The following TMEM132D variants were observed in gnomAD, a reference collection of about 807,000 sequenced individuals.
TMEM132D encodes the protein mature OL transmembrane protein.
Under a neutral mutation model 62.3 loss-of-function variants are expected in TMEM132D, and 21 were observed. The ratio of observed to expected loss-of-function variants is 0.34; its 90% CI spans 0.24 to 0.49. The LOEUF is 0.49. TMEM132D is among the 20% of genes least tolerant of loss of function. The probability of loss-of-function intolerance (pLI) is 0.99; values close to 1 mark genes in which losing one functional copy is unlikely to be tolerated. For missense variants in TMEM132D, 1,346 were observed against 1,402.8 expected (o/e 0.96, Z 0.65); for synonymous variants, 621 against 575.6 (o/e 1.08, Z -1.13).
At chr12:129,256,853 G>A (rs112821940) in intron 4 of TMEM132D, among the ~76,000 whole-genome samples, 1,555 of 152,260 alleles carry the variant, frequency 0.01, 21 homozygotes, top group African/African-American at 0.032. Context: ...GAGCCACCAC[G>A]CCCGGCCTGT....
At chr12:129,734,403 G>A (rs1869352729) in intron 1 of TMEM132D, among the ~76,000 whole-genome samples, 1 of 152,152 alleles carries the variant, frequency 6.6e-6, no homozygotes, top group South Asian at 2.1e-4. Flanking sequence ...CCTCAGTGAA[G>A]TACTTTTTTT....
chr12:129,545,469 A>G (rs1876707066), intron 2 of TMEM132D, among the ~76,000 whole-genome samples: 1 of 152,180 alleles, frequency 6.6e-6, no homozygotes, highest in African/African-American at 2.4e-5. Flanking sequence ...TGTGGTAAGA[A>G]CAGTTAACAT....
chr12:129,450,901 GC>G (rs1490786395), intron 3 of TMEM132D, among the ~76,000 whole-genome samples: 1 of 6,436 alleles, frequency 1.6e-4, no homozygotes, highest in Non-Finnish European at 5.6e-4. Context: ...GATTACAGGT[GC>G]CTGCCACCAC....
At chr12:129,852,156 G>A (rs1873564162) in intron 1 of TMEM132D, 1 of 152,164 alleles carries the variant, frequency 6.6e-6, no homozygotes, top group Non-Finnish European at 1.5e-5. Flanking sequence ...CCTAATACCT[G>A]TTACTTCTAG....
intron 3 of TMEM132D, among the ~76,000 whole-genome samples, chr12:129,405,257 T>C (rs773102300): frequency 6.6e-6 from 1 of 151,850 alleles, no homozygotes; most frequent in Non-Finnish European, 1.5e-5. Context: ...TCTCGTGTGC[T>C]TTCACAGGGG....
intron 1 of TMEM132D, among the ~76,000 whole-genome samples, chr12:129,782,305 A>T (rs929033067): frequency 7.0e-4 from 107 of 152,204 alleles, no homozygotes; most frequent in African/African-American, 2.5e-3. Flanking sequence ...TCGGATCGGG[A>T]GATGTTCAAC....
intron 5 of TMEM132D, among the ~76,000 whole-genome samples, chr12:129,200,301 C>T (rs926644259): frequency 6.6e-6 from 1 of 152,168 alleles, no homozygotes; most frequent in African/African-American, 2.4e-5. Context: ...TAATCCATTA[C>T]CCCTGCCGAA....
chr12:129,586,528 G>A (rs1167999174), intron 2 of TMEM132D, among the ~76,000 whole-genome samples: 1 of 152,114 alleles, frequency 6.6e-6, no homozygotes, highest in Non-Finnish European at 1.5e-5. Flanking sequence ...GCGTGGTCGG[G>A]TTCTAGGAGA....
rs567789098 is a variant in TMEM132D at position 129,523,565 on chromosome 12, G to A, written c.1115+7494C>T. Reference sequence around the variant, plus strand: ...GCTCCGGCTAGCAAAGACGCGTGGCGGTAACTCAGTGCCGTTACCCACGAA... The same window carrying A: ...GCTCCGGCTAGCAAAGACGCGTGGCAGTAACTCAGTGCCGTTACCCACGAA... On this transcript the variant is annotated intron_variant, in intron 3 of 8. Coordinates refer to ENST00000422113, the MANE Select transcript of TMEM132D (RefSeq NM_133448.3). Among the ~76,000 whole-genome samples, 9 of 152,204 alleles carry A rather than the reference G, an allele frequency of 5.9e-5. No homozygotes were observed. The South Asian group carries it at 1.0e-3, about 18-fold the overall frequency.
chr12:129,612,682 T>C (rs1460576657), intron 2 of TMEM132D, among the ~76,000 whole-genome samples: 2 of 151,268 alleles, frequency 1.3e-5, no homozygotes, highest in African/African-American at 4.8e-5. Context: ...ATCAGTCCCA[T>C]ACTGCTCCCC....
chr12:129,541,114 C>T (rs143094734), intron 2 of TMEM132D, among the ~76,000 whole-genome samples: 2 of 152,310 alleles, frequency 1.3e-5, no homozygotes, highest in East Asian at 3.9e-4. Flanking sequence ...CAAAGCAAAG[C>T]AAGAGGTCAG....
chr12:129,265,532 G>T (rs992587878), intron 4 of TMEM132D, among the ~76,000 whole-genome samples: 2 of 152,126 alleles, frequency 1.3e-5, no homozygotes, highest in African/African-American at 4.8e-5. Flanking sequence ...TGCCCTGGGG[G>T]TAAGCCCCGG....
intron 2 of TMEM132D, among the ~76,000 whole-genome samples, chr12:129,651,771 TGAG>T (rs1313968598): frequency 2.0e-5 from 3 of 152,286 alleles, no homozygotes; most frequent in African/African-American, 7.2e-5. Flanking sequence ...TGAGCATCTT[TGAG>T]GAGTCATGCA....
intron 4 of TMEM132D, among the ~76,000 whole-genome samples, chr12:129,274,800 T>C (rs12309293): frequency 0.036 from 5,523 of 152,174 alleles, 219 homozygotes; most frequent in East Asian, 0.21. Flanking sequence ...GGCAGGAGAA[T>C]GGCGTGAACC....
intron 2 of TMEM132D, among the ~76,000 whole-genome samples, chr12:129,637,415 G>C (rs1341632739): frequency 6.6e-6 from 1 of 152,170 alleles, no homozygotes; most frequent in East Asian, 1.9e-4. Flanking sequence ...AGAGGGGCCT[G>C]TTGGGAGGTG....
At chr12:129,404,470 T>G (rs1020963789) in intron 3 of TMEM132D, among the ~76,000 whole-genome samples, 2 of 152,226 alleles carry the variant, frequency 1.3e-5, no homozygotes, top group Non-Finnish European at 2.9e-5. Flanking sequence ...GTGCTGGGAT[T>G]ACAGGCGTGA....
intron 1 of TMEM132D, among the ~76,000 whole-genome samples, chr12:129,756,239 A>G (rs929368507): frequency 1.3e-5 from 2 of 152,112 alleles, no homozygotes; most frequent in African/African-American, 4.8e-5. Context: ...ATAATACCAT[A>G]CTGTACACTT....
intron 1 of TMEM132D, among the ~76,000 whole-genome samples, chr12:129,877,628 C>CACAGAGAGAG (rs869172595): frequency 6.8e-6 from 1 of 146,854 alleles, no homozygotes; most frequent in African/African-American, 2.6e-5. Flanking sequence ...CACACACACA[C>CACAGAGAGAG]AGAGAGAGAG....
At chr12:129,792,667 T>C (rs1336870976) in intron 1 of TMEM132D, among the ~76,000 whole-genome samples, 1 of 152,054 alleles carries the variant, frequency 6.6e-6, no homozygotes, top group East Asian at 1.9e-4. Flanking sequence ...GCTGAGACAA[T>C]AAAAAAGTGG....
Sources: gnomAD v4.1 joint callset for allele counts (sites outside exome capture counted in the v4.1 genomes callset) on GRCh38, gnomAD v4.1.1 for gene constraint, MANE v1.5 for transcripts, NCBI Gene and HGNC (gene_info 2026-07-23, HGNC 2026-07-21) for gene names.